ITPRID1: variants seen among roughly 807,000 people sequenced by gnomAD.
ITPRID1 encodes the protein protein ITPRID1.
A neutral mutation model predicts 95.4 loss-of-function variants in ITPRID1; 96 were observed. The ratio of observed to expected loss-of-function variants is 1.01; its 90% CI spans 0.85 to 1.19. The LOEUF (loss-of-function observed/expected upper bound fraction) is 1.19, where lower values mean the gene tolerates loss of function less well. Among genes scored for constraint, ITPRID1 ranks in the 50% most tolerant of loss-of-function variants. The pLI is 0.00. For missense variants in ITPRID1, 1,339 were observed against 1,252.9 expected (o/e 1.07, Z -1.04); for synonymous variants, 510 against 453.6 (o/e 1.12, Z -1.58).
At chr7:31,599,181 A>T (rs961442897) in intron 10 of ITPRID1, among the ~76,000 whole-genome samples, 3 of 152,234 alleles carry the variant, frequency 2.0e-5, no homozygotes, top group Admixed American at 2.0e-4. Context: ...ATCAATAAGA[A>T]AATGGTTAAA....
rs567520604 is a variant in ITPRID1, at chr7:31,569,796, A to G, written c.295A>G (p.Lys99Glu). ...YEQGMVQMTVKDYMRSLHQFS... is the reference protein window; with the variant it reads ...YEQGMVQMTVEDYMRSLHQFS... ...ACAAGGGATGGTTCAAATGACTGTGAAAGACTACATGAGGTAGGTAGCAGA... is the reference window on the plus strand; with the variant it reads ...ACAAGGGATGGTTCAAATGACTGTGGAAGACTACATGAGGTAGGTAGCAGA... Residue 99 changes from lysine to glutamate, a missense_variant, in exon 6 of 15, where the codon AAA (lysine) becomes GAA (glutamate). Physicochemically the swap from Lys to Glu is moderately conservative, Grantham distance 56 (BLOSUM62 1). Coordinates refer to ENST00000615280, the MANE Select transcript of ITPRID1 (RefSeq NM_001257967.3). 3.2e-6 allele frequency: 5 copies of G among 1,586,766 alleles called. No individual in the cohort carries two copies. Among genetic ancestry groups the G allele is most frequent in the Admixed American group, 1.8e-5 (1 of 55,860 alleles).
At chr7:31,637,695 A>T (rs1026045073) in intron 10 of ITPRID1, among the ~76,000 whole-genome samples, 7 of 152,046 alleles carry the variant, frequency 4.6e-5, no homozygotes, top group African/African-American at 1.4e-4. Context: ...TTGCTTGTTC[A>T]CTCTGATGGT....
At chr7:31,519,371 ACTT>A (rs1327249820) in intron 1 of ITPRID1, among the ~76,000 whole-genome samples, 1 of 152,000 alleles carries the variant, frequency 6.6e-6, no homozygotes, top group Non-Finnish European at 1.5e-5. Flanking sequence ...AATTGTATTA[ACTT>A]CTTGTTATTT....
intron 5 of ITPRID1, among the ~76,000 whole-genome samples, chr7:31,563,326 C>T (rs1487106293): frequency 6.6e-6 from 1 of 152,116 alleles, no homozygotes; most frequent in Non-Finnish European, 1.5e-5. Context: ...TGCTAGGGAG[C>T]AATGGTAGAA....
chr7:31,638,778 CGTTT>C (rs1021786930), intron 10 of ITPRID1, among the ~76,000 whole-genome samples: 14 of 151,800 alleles, frequency 9.2e-5, no homozygotes, highest in South Asian at 4.2e-4. Context: ...TTTTGTTTTT[CGTTT>C]GTTTGTTTTT....
chr7:31,589,363 T>C (rs979574354), intron 10 of ITPRID1, among the ~76,000 whole-genome samples: 25 of 152,208 alleles, frequency 1.6e-4, no homozygotes, highest in African/African-American at 5.8e-4. Context: ...CAAATATATA[T>C]GTAGTTGCAG....
chr7:31,596,342 T>C (rs12701127), intron 10 of ITPRID1, among the ~76,000 whole-genome samples: 57,111 of 151,172 alleles, frequency 0.38, 12,113 homozygotes, highest in East Asian at 0.53. Context: ...ATGCAAACAT[T>C]TGTAAATCTT....
intron 10 of ITPRID1, among the ~76,000 whole-genome samples, chr7:31,641,694 C>G (rs966929136): frequency 1.3e-5 from 2 of 152,170 alleles, no homozygotes; most frequent in African/African-American, 2.4e-5. Context: ...TGATCTAAAA[C>G]ATGAGCACAA....
chr7:31,583,353 C>T (rs533673661), intron 10 of ITPRID1, among the ~76,000 whole-genome samples, 162 bp downstream of exon 10: 29 of 152,150 alleles, frequency 1.9e-4, no homozygotes, highest in East Asian at 3.9e-4. Flanking sequence ...AGGCCGGGTG[C>T]GGTGGCTCAT....
rs780609042 is a variant in ITPRID1, at chr7:31,651,202, G to A, written c.2644G>A (p.Glu882Lys). The A allele has an allele frequency of 1.2e-5, 19 of 1,613,540 alleles. No individual in the cohort carries two copies. The Admixed American group carries it at 2.8e-4, about 24-fold the overall frequency. The change falls in exon 13 of 15, where the codon GAA becomes AAA. Residue 882 changes from glutamate (E) to lysine (K), a missense_variant. Glu to Lys is a moderately conservative substitution (Grantham distance 56). Coordinates refer to ENST00000615280, the MANE Select transcript of ITPRID1 (RefSeq NM_001257967.3). ...ATGCCAAAGTTTCCGGGAGTATTTAGAAGAAATTGAACAGCACCTTATGGG... is the reference window on the plus strand; with the variant it reads ...ATGCCAAAGTTTCCGGGAGTATTTAAAAGAAATTGAACAGCACCTTATGGG... Reference protein sequence around the residue: ...TICQSFREYLEEIEQHLMGQQ... With the variant: ...TICQSFREYLKEIEQHLMGQQ...
At chr7:31,559,107 T>G (rs1047047677) in intron 5 of ITPRID1, among the ~76,000 whole-genome samples, 7 of 152,158 alleles carry the variant, frequency 4.6e-5, no homozygotes, top group Non-Finnish European at 1.0e-4. Flanking sequence ...GCTGGATTAT[T>G]GCCCTCTTCT....
At chr7:31,624,406 A>G (rs980407652) in intron 10 of ITPRID1, among the ~76,000 whole-genome samples, 5 of 140,998 alleles carry the variant, frequency 3.5e-5, no homozygotes, top group African/African-American at 1.3e-4. Flanking sequence ...ACAGCATGGT[A>G]CTGGTACCAA....
chr7:31,526,152 T>C (rs1783415219), intron 1 of ITPRID1, among the ~76,000 whole-genome samples: 1 of 152,206 alleles, frequency 6.6e-6, no homozygotes, highest in African/African-American at 2.4e-5. Context: ...TCCCTTTTAT[T>C]TAGAATTGTT....
At chr7:31,522,007 T>TG (rs1783279642) in intron 1 of ITPRID1, among the ~76,000 whole-genome samples, 1 of 151,112 alleles carries the variant, frequency 6.6e-6, no homozygotes, top group South Asian at 2.1e-4. Context: ...AAGCTCTTTA[T>TG]GGGAAAAAAA....
At chr7:31,590,934 G>A (rs1019001603) in intron 10 of ITPRID1, among the ~76,000 whole-genome samples, 6 of 152,192 alleles carry the variant, frequency 3.9e-5, no homozygotes, top group African/African-American at 9.7e-5. Context: ...AGTTGCCTCA[G>A]TTTCTCATAC....
chr7:31,586,741 C>A (rs1280947605), intron 10 of ITPRID1, among the ~76,000 whole-genome samples: 1 of 151,722 alleles, frequency 6.6e-6, no homozygotes, highest in Admixed American at 6.6e-5. Context: ...TGGATATTAG[C>A]CCTTTGTCAG....
chr7:31,643,698 C>G lies in ITPRID1; in HGVS notation c.2328C>G (p.Pro776=). The G allele has an allele frequency of 6.2e-7, 1 of 1,614,052 alleles. No homozygotes were observed. Among genetic ancestry groups the G allele is most frequent in the East Asian group, 2.2e-5 (1 of 44,884 alleles). Residue 776 remains proline, a synonymous_variant, in exon 12 of 15, where the codon CCC becomes CCG. Transcript: ENST00000615280. ...ALSNKTLTHG[P]QPLTKSVSLD... ...GCAACAAGACCTTGACACATGGGCC[C>G]CAGCCCCTCACCAAATCCGTCTCTC...
intron 1 of ITPRID1, among the ~76,000 whole-genome samples, chr7:31,538,106 G>T (rs1330082931): frequency 6.6e-6 from 1 of 152,152 alleles, no homozygotes; most frequent in East Asian, 1.9e-4. Flanking sequence ...AAATATTTAT[G>T]ACTATTTCCT....
intron 9 of ITPRID1, among the ~76,000 whole-genome samples, chr7:31,579,721 C>A (rs1243156151): frequency 2.0e-5 from 3 of 152,080 alleles, no homozygotes; most frequent in Non-Finnish European, 4.4e-5. Flanking sequence ...ATAAAAATTA[C>A]TTTAAAATAT....
Sources: gnomAD v4.1 joint callset for allele counts (sites outside exome capture counted in the v4.1 genomes callset) on GRCh38, gnomAD v4.1.1 for gene constraint, MANE v1.5 for transcripts, NCBI Gene and HGNC (gene_info 2026-07-23, HGNC 2026-07-21) for gene names.